The following SEMA4D variants were observed in gnomAD, a reference collection of about 807,000 sequenced individuals.
SEMA4D encodes semaphorin-4D.
A neutral mutation model predicts 74.8 loss-of-function variants in SEMA4D; 22 were observed. That is an observed-to-expected ratio of 0.29 (90% CI 0.21 to 0.42). The LOEUF is 0.42. SEMA4D is among the 10% of genes least tolerant of loss of function. The pLI is 1.00. For synonymous variants in SEMA4D, 445 were observed against 463.7 expected (o/e 0.96, Z 0.52); for missense variants, 937 against 1,118.4 (o/e 0.84, Z 2.31).
At chr9:89,377,117 G>A, downstream of SEMA4D, 3 of 1,472,966 alleles carry the variant, frequency 2.0e-6, no homozygotes, top group Non-Finnish European at 2.7e-6. Context: ...CACGTCACAG[G>A]CCAGAGAGGG....
chr9:89,405,317 G>A (rs1354257848), intron 3 of SEMA4D, 34 bp downstream of exon 3: 12 of 1,581,014 alleles, frequency 7.6e-6, no homozygotes, highest in African/African-American at 1.3e-5. Flanking sequence ...CCCCATCCCA[G>A]GCCATCAGCA....
chr9:89,470,991 T>TA (rs1250647292), intron 1 of SEMA4D, among the ~76,000 whole-genome samples: 1 of 152,258 alleles, frequency 6.6e-6, no homozygotes, highest in East Asian at 1.9e-4. Context: ...GCACATGTCT[T>TA]AAAACTCACA....
intron 2 of SEMA4D, among the ~76,000 whole-genome samples, chr9:89,423,989 T>C (rs953590302): frequency 1.8e-4 from 13 of 70,806 alleles, no homozygotes; most frequent in South Asian, 1.1e-3. Flanking sequence ...CTCAGCTACT[T>C]CCTCAGCACC....
At chr9:89,434,471 T>C (rs1849962643) in intron 2 of SEMA4D, among the ~76,000 whole-genome samples, 1 of 152,232 alleles carries the variant, frequency 6.6e-6, no homozygotes, top group Admixed American at 6.5e-5. Context: ...TTTTCTCCTG[T>C]TACTGTCTTT....
chr9:89,365,972 T>C (rs1335132679), intron 16 of SEMA4D, among the ~76,000 whole-genome samples: 1 of 152,200 alleles, frequency 6.6e-6, no homozygotes, highest in Non-Finnish European at 1.5e-5. Flanking sequence ...CACCAGAGAA[T>C]GCTCCTCCCA....
intron 1 of SEMA4D, among the ~76,000 whole-genome samples, chr9:89,462,196 G>A (rs1032148985): frequency 3.3e-5 from 5 of 152,198 alleles, no homozygotes; most frequent in Admixed American, 6.5e-5. Context: ...CACCCAGAAA[G>A]AAATGCCAGA....
intron 13 of SEMA4D, chr9:89,385,866 G>GGGGGGGGGCCCCCCCCCCCC: frequency 1.5e-5 from 3 of 196,226 alleles, no homozygotes; most frequent in Non-Finnish European, 2.7e-5. Flanking sequence ...CAGCGTGGAT[G>GGGGGGGGGCCCCCCCCCCCC]CCCGCCCACC....
chr9:89,397,279 T>C (rs1841185081), intron 5 of SEMA4D, among the ~76,000 whole-genome samples: 1 of 149,922 alleles, frequency 6.7e-6, no homozygotes, highest in African/African-American at 2.4e-5. Flanking sequence ...CAATATATTT[T>C]ACTCTTGCTA....
In SEMA4D at chr9:89,444,240, T is replaced by G. The variant is rs529446288; in HGVS notation, c.-244+11648A>C. Among the ~76,000 whole-genome samples the G allele has an allele frequency of 2.0e-5, 3 of 152,300 alleles. No homozygotes were observed. The East Asian group carries it at 5.8e-4, about 29-fold the overall frequency. On this transcript the variant is annotated intron_variant, in intron 2 of 15. Transcript: ENST00000422704. ...CTCCCCACCTCCATGGCCTCCTCCCTGGCTGCCCCTCTAGCACAGCTACAG... is the reference window on the plus strand; with the variant it reads ...CTCCCCACCTCCATGGCCTCCTCCCGGGCTGCCCCTCTAGCACAGCTACAG...
downstream of SEMA4D, among the ~76,000 whole-genome samples, chr9:89,373,639 C>T (rs1214727904): frequency 1.3e-5 from 2 of 152,202 alleles, no homozygotes; most frequent in Non-Finnish European, 2.9e-5. Context: ...AGACAGCCCC[C>T]AAACCACTGT....
At chr9:89,455,385 G>A (rs1035950164) in intron 2 of SEMA4D, among the ~76,000 whole-genome samples, 1 of 152,238 alleles carries the variant, frequency 6.6e-6, no homozygotes, top group Non-Finnish European at 1.5e-5. Context: ...CGGGGCATGG[G>A]GGGTGTGAGT....
intron 1 of SEMA4D, among the ~76,000 whole-genome samples, chr9:89,488,378 T>TTG: frequency 2.1e-5 from 3 of 144,440 alleles, no homozygotes; most frequent in Non-Finnish European, 4.5e-5. Context: ...TTTTTTTTTT[T>TTG]TTGAGAACAG....
At chr9:89,418,977 G>C (rs972592597) in intron 2 of SEMA4D, 1 of 150,518 alleles carries the variant, frequency 6.6e-6, no homozygotes, top group Non-Finnish European at 1.5e-5. Flanking sequence ...TCCTCTACAG[G>C]AGCCCCCGTC....
At chr9:89,402,764 C>T in intron 4 of SEMA4D, 107 bp downstream of exon 4, 1 of 1,250,552 alleles carries the variant, frequency 8.0e-7, no homozygotes, top group Non-Finnish European at 1.1e-6. Flanking sequence ...GTCACAGCTA[C>T]AGAATGGAGG....
At chr9:89,403,541 G>C (rs989686794) in intron 3 of SEMA4D, among the ~76,000 whole-genome samples, 1 of 152,202 alleles carries the variant, frequency 6.6e-6, no homozygotes, top group South Asian at 2.1e-4. Flanking sequence ...AATTCTCAGT[G>C]ATCACCACCA....
At chr9:89,422,525 C>T (rs983095796) in intron 2 of SEMA4D, among the ~76,000 whole-genome samples, 2 of 152,234 alleles carry the variant, frequency 1.3e-5, no homozygotes, top group Non-Finnish European at 2.9e-5. Context: ...AGAGGGCCCG[C>T]GTGGGTCACG....
chr9:89,423,587 G>A (rs977029822), intron 2 of SEMA4D, among the ~76,000 whole-genome samples: 1 of 152,098 alleles, frequency 6.6e-6, no homozygotes, highest in Non-Finnish European at 1.5e-5. Flanking sequence ...TGTGATAGCT[G>A]CAGTGCCGGC....
At chr9:89,472,238 T>C (rs1380068155) in intron 1 of SEMA4D, 2 of 292,368 alleles carry the variant, frequency 6.8e-6, no homozygotes, top group South Asian at 3.5e-5. Context: ...GAACACAAGA[T>C]GGCAGCCACC....
chr9:89,389,318 T>C (rs1243166384), intron 9 of SEMA4D, among the ~76,000 whole-genome samples: 2 of 152,220 alleles, frequency 1.3e-5, no homozygotes, highest in Admixed American at 6.5e-5. Context: ...TGATCGTCCA[T>C]GCCTGCCTGT....
Sources: allele counts gnomAD v4.1 joint callset (sites outside exome capture counted in the v4.1 genomes callset), GRCh38; gene constraint gnomAD v4.1.1; transcripts MANE v1.5; gene names NCBI Gene and HGNC (gene_info 2026-07-23, HGNC 2026-07-21).